Variants in PPP1R1C observed in about 807,000 individuals in gnomAD.
The protein encoded by PPP1R1C is protein phosphatase 1 regulatory inhibitor subunit 1C.
A neutral mutation model predicts 17.4 loss-of-function variants in PPP1R1C; 15 were observed. The ratio of observed to expected loss-of-function variants is 0.86; its 90% CI spans 0.58 to 1.33. PPP1R1C has a LOEUF of 1.33. PPP1R1C is among the 40% of genes most tolerant of loss of function. PPP1R1C has a pLI of 0.00. For synonymous variants in PPP1R1C, 35 were observed against 43.1 expected, an observed-to-expected ratio of 0.81 and a Z score of 0.73; for missense variants, 143 against 130.0, an observed-to-expected ratio of 1.10 and a Z score of -0.48.
chr2:182,062,945 A>G (rs968528045), intron 3 of PPP1R1C, among the ~76,000 whole-genome samples: 1 of 152,118 alleles, frequency 6.6e-6, no homozygotes, highest in African/African-American at 2.4e-5. Flanking sequence ...ACATAAATCA[A>G]CATGCTATTA....
At position 182,072,102 on chromosome 2, in the gene PPP1R1C, G is replaced by A. The variant is rs191592636; in HGVS notation, c.241+8311G>A. On this transcript the variant is annotated intron_variant, in intron 4 of 4. Coordinates refer to ENST00000682840, the MANE Select transcript of PPP1R1C (RefSeq NM_001080545.3). The stretch of plus-strand genomic sequence containing the variant: ...CCTTGCAAAAATGTGTGTACACCAC[G>A]TCCATTAATGTAGGCGCTATCAGTA... 4.4e-3 allele frequency among the ~76,000 whole-genome samples: 670 copies of A among 152,262 alleles called. 4 individuals carry two copies. Among genetic ancestry groups the A allele is most frequent in the Admixed American group, 8.0e-3 (123 of 15,298 alleles).
chr2:182,103,599 T>A (rs1317288418), intron 4 of PPP1R1C: 1 of 152,210 alleles, frequency 6.6e-6, no homozygotes, highest in Non-Finnish European at 1.5e-5. Flanking sequence ...AAAAGGATGG[T>A]CAGAGAGTAA....
intron 4 of PPP1R1C, among the ~76,000 whole-genome samples, chr2:182,092,762 C>G (rs1688819140): frequency 1.3e-5 from 2 of 152,212 alleles, no homozygotes; most frequent in African/African-American, 2.4e-5. Context: ...TCTCCTTTGA[C>G]TCCATGTCTC....
downstream of PPP1R1C, among the ~76,000 whole-genome samples, chr2:182,120,849 TA>T (rs140099817): frequency 6.6e-5 from 10 of 150,978 alleles, no homozygotes; most frequent in South Asian, 2.1e-4. Context: ...TCTCCATTCC[TA>T]AAAAAAAACA....
At chr2:182,124,304 GTTTTTTTTTGTTTTTTTTTTTTGT>G (rs1689811896) in intron 5 of PPP1R1C, among the ~76,000 whole-genome samples, 4 of 77,648 alleles carry the variant, frequency 5.2e-5, no homozygotes, top group South Asian at 4.1e-4. Flanking sequence ...CTCCAGCTTT[GTTTTTTTTTGTTTTTTTTTTTTGT>G]TTTTTTTTTT....
intron 4 of PPP1R1C, among the ~76,000 whole-genome samples, chr2:182,074,237 T>G (rs1443428475): frequency 6.6e-6 from 1 of 151,872 alleles, no homozygotes; most frequent in Non-Finnish European, 1.5e-5. Context: ...GAGACGGGGT[T>G]TCACCATATT....
chr2:181,985,851 G>T (rs139407535), upstream of PPP1R1C: 3 of 530,190 alleles, frequency 5.7e-6, no homozygotes, highest in South Asian at 4.9e-5. This position sits in a 1 kb window ranked among gnomAD's most constrained non-coding sequence, Gnocchi z 4.1. Context: ...CACAATTAGC[G>T]TATTGTTCCT....
At chr2:182,102,931 C>A (rs568407508) in intron 4 of PPP1R1C, among the ~76,000 whole-genome samples, 13 of 152,178 alleles carry the variant, frequency 8.5e-5, no homozygotes, top group African/African-American at 3.1e-4. Context: ...CTCAGCTTCC[C>A]AAGCAGCTGA....
intron 2 of PPP1R1C, among the ~76,000 whole-genome samples, chr2:181,996,548 A>G (rs1685617608): frequency 6.6e-6 from 1 of 152,220 alleles, no homozygotes; most frequent in South Asian, 2.1e-4. Context: ...TTAGTGTTTA[A>G]CAAAGCCATT....
upstream of PPP1R1C, among the ~76,000 whole-genome samples, chr2:181,983,367 C>T (rs1028296041): frequency 2.0e-5 from 3 of 152,118 alleles, no homozygotes; most frequent in African/African-American, 7.2e-5. Context: ...ATAATATCTA[C>T]CTCAAACAGT....
chr2:181,987,814 T>C (rs780932361), intron 1 of PPP1R1C, 25 bp from the exon 2 acceptor site: 1 of 1,612,678 alleles, frequency 6.2e-7, no homozygotes, highest in South Asian at 1.1e-5. Context: ...CTCACTGATA[T>C]TAGCTGGGCT....
intron 4 of PPP1R1C, among the ~76,000 whole-genome samples, chr2:182,104,582 T>C (rs536875565): frequency 6.6e-5 from 10 of 152,342 alleles, no homozygotes; most frequent in South Asian, 2.1e-4. Flanking sequence ...TAATGTGCTA[T>C]TGAATTTGAT....
chr2:182,097,415 C>A (rs931352486), intron 4 of PPP1R1C, among the ~76,000 whole-genome samples: 1 of 152,146 alleles, frequency 6.6e-6, no homozygotes, highest in African/African-American at 2.4e-5. Context: ...TATTGGGAAT[C>A]GCTTCTGTAT....
chr2:182,013,015 T>C (rs1686138901), intron 2 of PPP1R1C, among the ~76,000 whole-genome samples: 2 of 152,260 alleles, frequency 1.3e-5, no homozygotes, highest in South Asian at 2.1e-4. Context: ...TAATTTTTGA[T>C]GGGTGCATCA....
At chr2:182,012,720 C>A (rs1271308723) in intron 2 of PPP1R1C, among the ~76,000 whole-genome samples, 1 of 151,946 alleles carries the variant, frequency 6.6e-6, no homozygotes, top group African/African-American at 2.4e-5. Context: ...TGATTTTTCT[C>A]TGGTAGTATG....
At chr2:181,972,133 A>G (rs1005100626) in intron 1 of PPP1R1C, among the ~76,000 whole-genome samples, 1 of 152,146 alleles carries the variant, frequency 6.6e-6, no homozygotes, top group Non-Finnish European at 1.5e-5. Context: ...AGAGACTTTT[A>G]TTTGGCTATC....
At chr2:182,112,688 T>C (rs1477418943) in intron 4 of PPP1R1C, among the ~76,000 whole-genome samples, 2 of 152,042 alleles carry the variant, frequency 1.3e-5, no homozygotes, top group Non-Finnish European at 2.9e-5. Context: ...GAATTCAAAT[T>C]CATAATTACT....
intron 2 of PPP1R1C, among the ~76,000 whole-genome samples, chr2:182,000,692 A>G (rs1685736796): frequency 6.6e-6 from 1 of 152,208 alleles, no homozygotes; most frequent in Admixed American, 6.5e-5. Flanking sequence ...TTTAAGACCA[A>G]CTAGAAGTAA....
chr2:182,000,458 C>T (rs1212361922), intron 2 of PPP1R1C, among the ~76,000 whole-genome samples: 1 of 152,092 alleles, frequency 6.6e-6, no homozygotes, highest in Non-Finnish European at 1.5e-5. Context: ...TTTTGGGCCT[C>T]CTGACATCAA....
Sources: allele counts gnomAD v4.1 joint callset (sites outside exome capture counted in the v4.1 genomes callset), GRCh38; gene constraint gnomAD v4.1.1; non-coding constraint Gnocchi (gnomAD v3.1); transcripts MANE v1.5; gene names NCBI Gene and HGNC (gene_info 2026-07-23, HGNC 2026-07-21).